The following COL6A6 variants were observed in gnomAD, a reference collection of about 807,000 sequenced individuals.
COL6A6 encodes the protein collagen type VI alpha 6 chain, also known as collagen alpha-6(VI) chain.
COL6A6 carries 183 observed loss-of-function variants against 208.6 expected under a neutral mutation model. The ratio of observed to expected loss-of-function variants is 0.88; its 90% CI spans 0.78 to 0.99. COL6A6 has a LOEUF of 0.99. COL6A6 is among the 50% of genes least tolerant of loss of function. COL6A6 has a pLI of 0.00. For synonymous variants in COL6A6, 973 were observed against 1,011.8 expected (o/e 0.96, Z 0.73); for missense variants, 2,816 against 2,815.2 (o/e 1.00, Z -0.01).
intron 24 of COL6A6, among the ~76,000 whole-genome samples, chr3:130,622,482 A>C (rs2064755889): frequency 6.6e-6 from 1 of 152,084 alleles, no homozygotes; most frequent in East Asian, 1.9e-4. Context: ...TATGACATAA[A>C]ATAAAGATAA....
chr3:130,534,263 G>A (rs1330389072), intron 1 of COL6A6, among the ~76,000 whole-genome samples: 1 of 152,134 alleles, frequency 6.6e-6, no homozygotes, highest in Non-Finnish European at 1.5e-5. Flanking sequence ...CCCTGTTACT[G>A]ATAAGGCTAA....
chr3:130,553,167 G>A (rs546060021), intron 1 of COL6A6, among the ~76,000 whole-genome samples: 4 of 152,114 alleles, frequency 2.6e-5, no homozygotes, highest in East Asian at 3.9e-4. Flanking sequence ...GGTTCTCTAC[G>A]TTTCCTGAAT....
chr3:130,670,145 C>T (rs2066175658), intron 36 of COL6A6, among the ~76,000 whole-genome samples: 1 of 152,222 alleles, frequency 6.6e-6, no homozygotes, highest in Admixed American at 6.5e-5. Context: ...TTCCTGAAGT[C>T]AAGCCTAAAA....
rs1429333121 is a variant in COL6A6, at chr3:130,608,912, G to A, written c.4700G>A (p.Gly1567Asp). The A allele has an allele frequency of 1.9e-6, 3 of 1,613,114 alleles. No individual in the cohort carries two copies. The East Asian group carries it at 6.7e-5, about 36-fold the overall frequency. ...RGHTGPQGTA[G>D]IPGPDGLEGS... The stretch of plus-strand genomic sequence containing the variant: ...TCTTTCTCGCCACAGGGAACAGCAG[G>A]CATCCCAGGACCAGATGGACTTGAA... Residue 1567 changes from glycine (G) to aspartate (D), a missense_variant, in exon 22 of 37, where the codon GGC becomes GAC. Gly to Asp is a moderately conservative substitution (Grantham distance 94). Transcript: ENST00000358511.
chr3:130,665,098 T>C lies in COL6A6; in HGVS notation c.6596+2T>C. 2.5e-6 allele frequency: 4 copies of C among 1,598,976 alleles called. No homozygotes were observed. The highest frequency in any genetic ancestry group is 3.4e-6 in the Non-Finnish European group (4 of 1,169,774). Reference sequence around the variant, plus strand: ...GCAGCCCCCACGACCATTCCGAAGGTACTGTCTGTTTGGTGTTACTTGATA... The same window carrying C: ...GCAGCCCCCACGACCATTCCGAAGGCACTGTCTGTTTGGTGTTACTTGATA... On this transcript the variant is annotated splice_donor_variant, in intron 36 of 36. Transcript: ENST00000358511. LOFTEE classifies it high-confidence loss of function.
chr3:130,662,646 C>T (rs1272096904), intron 35 of COL6A6, among the ~76,000 whole-genome samples: 1 of 152,106 alleles, frequency 6.6e-6, no homozygotes, highest in African/African-American at 2.4e-5. Flanking sequence ...GAAATCCTTG[C>T]AGTGTAACCT....
intron 28 of COL6A6, among the ~76,000 whole-genome samples, chr3:130,638,588 G>T (rs982715819): frequency 6.6e-6 from 1 of 152,148 alleles, no homozygotes; most frequent in Non-Finnish European, 1.5e-5. Context: ...TTGTTTCGTG[G>T]AAAACTCATC....
intron 1 of COL6A6, among the ~76,000 whole-genome samples, chr3:130,540,894 T>A (rs1286866733): frequency 6.6e-6 from 1 of 152,236 alleles, no homozygotes; most frequent in African/African-American, 2.4e-5. Context: ...GTTCTCTTCA[T>A]CCAGTCTATC....
At chr3:130,530,984 C>G (rs1003497530) in intron 1 of COL6A6, among the ~76,000 whole-genome samples, 2 of 151,724 alleles carry the variant, frequency 1.3e-5, no homozygotes, top group African/African-American at 2.4e-5. Flanking sequence ...TTCTTGAAGT[C>G]TCTCTTTCTC....
chr3:130,634,812 GT>G (rs1213168157), intron 27 of COL6A6, among the ~76,000 whole-genome samples, 187 bp downstream of exon 27: 1 of 152,184 alleles, frequency 6.6e-6, no homozygotes, highest in East Asian at 1.9e-4. Context: ...GTTTAGGAGT[GT>G]AAGGCTTAAA....
In COL6A6 at chr3:130,661,677, ACC is replaced by A; in HGVS notation, c.5875_5876del (p.Pro1959CysfsTer21). ...PDASCDQARPPPVQSYMDAAF... is the reference protein window; with the variant it reads ...PDASCDQARPXPVQSYMDAAF... Reference sequence around the variant, plus strand: ...ATGCTTCTTGTGACCAAGCCAGACCACCCCCTGTGCAGTCTTACATGGATGCT... The same window carrying A: ...ATGCTTCTTGTGACCAAGCCAGACCACCCTGTGCAGTCTTACATGGATGCT... On this transcript the variant is annotated frameshift_variant, in exon 35 of 37. Coordinates refer to ENST00000358511, the MANE Select transcript of COL6A6 (RefSeq NM_001102608.3). LOFTEE classifies it high-confidence loss of function. 23 of 1,613,500 alleles carry A rather than the reference ACC, an allele frequency of 1.4e-5. No homozygotes were observed. The highest frequency in any genetic ancestry group is 1.9e-5 in the Non-Finnish European group (22 of 1,179,704).
At chr3:130,589,003 A>G (rs753459435) in intron 11 of COL6A6, 87 bp from the exon 12 acceptor site, 26 of 877,710 alleles carry the variant, frequency 3.0e-5, no homozygotes, top group Non-Finnish European at 4.5e-5. Context: ...AAACTGTGGT[A>G]GAAGTCTGGA....
chr3:130,550,482 T>C (rs1456077720), intron 1 of COL6A6, among the ~76,000 whole-genome samples: 1 of 152,146 alleles, frequency 6.6e-6, no homozygotes, highest in Non-Finnish European at 1.5e-5. Flanking sequence ...ATGCTGCTGA[T>C]AAAGACATGC....
chr3:130,625,297 G>C (rs1256095381), intron 24 of COL6A6, among the ~76,000 whole-genome samples: 1 of 152,122 alleles, frequency 6.6e-6, no homozygotes, highest in African/African-American at 2.4e-5. Context: ...TTGGTTTTCT[G>C]TCCTTAAAAA....
chr3:130,563,527 A>G lies in COL6A6; in HGVS notation c.524A>G (p.Lys175Arg). 1 of 1,614,014 alleles carries G rather than the reference A, an allele frequency of 6.2e-7. No homozygotes were observed. The highest frequency in any genetic ancestry group is 2.2e-5 in the East Asian group (1 of 44,882). The change falls in exon 3 of 37, where the codon AAG becomes AGG. Residue 175 changes from lysine to arginine, a missense_variant. Coordinates refer to ENST00000358511, the MANE Select transcript of COL6A6 (RefSeq NM_001102608.3). ...GVQKASEENL[K>R]AMATSQFHFN... ...CAGAAAGCTTCTGAGGAAAACCTGAAGGCCATGGCCACGTCTCAGTTTCAT... is the reference window on the plus strand; with the variant it reads ...CAGAAAGCTTCTGAGGAAAACCTGAGGGCCATGGCCACGTCTCAGTTTCAT...
At chr3:130,596,285 C>A (rs1285844101) in intron 18 of COL6A6, among the ~76,000 whole-genome samples, 1 of 152,134 alleles carries the variant, frequency 6.6e-6, no homozygotes, top group Non-Finnish European at 1.5e-5. Context: ...AATACAAAGA[C>A]GTTTCAGTTA....
intron 1 of COL6A6, among the ~76,000 whole-genome samples, chr3:130,520,952 C>T (rs1342434991): frequency 6.6e-6 from 1 of 152,120 alleles, no homozygotes; most frequent in African/African-American, 2.4e-5. Context: ...GAAAATTTTT[C>T]CCCAAATGCT....
intron 1 of COL6A6, among the ~76,000 whole-genome samples, chr3:130,518,697 G>A (rs1710889539): frequency 6.6e-6 from 1 of 152,092 alleles, no homozygotes; most frequent in Non-Finnish European, 1.5e-5. Context: ...GTAGAGACGG[G>A]GTTTCTCCAT....
intron 36 of COL6A6, among the ~76,000 whole-genome samples, chr3:130,665,655 A>G (rs1559803717): frequency 6.6e-6 from 1 of 152,236 alleles, no homozygotes; most frequent in African/African-American, 2.4e-5. Flanking sequence ...AAGTCTATAT[A>G]GAGGACTTCC....
Sources: allele counts gnomAD v4.1 joint callset (sites outside exome capture counted in the v4.1 genomes callset), GRCh38; gene constraint gnomAD v4.1.1; transcripts MANE v1.5; gene names NCBI Gene and HGNC (gene_info 2026-07-23, HGNC 2026-07-21).